PRR16: variants seen among roughly 807,000 people sequenced by gnomAD.
PRR16 encodes proline rich 16.
In PRR16, 6 loss-of-function variants were observed where a neutral mutation model predicts 18.2. The ratio of observed to expected loss-of-function variants is 0.33; its 90% CI spans 0.18 to 0.65. The LOEUF is 0.65. Ranked by LOEUF, PRR16 falls within the 30% of genes least tolerant of loss-of-function variation. The pLI is 0.74. For synonymous variants in PRR16, 151 were observed against 147.8 expected (o/e 1.02, Z -0.16); for missense variants, 412 against 376.6 (o/e 1.09, Z -0.78).
the PRR16 span, among the ~76,000 whole-genome samples, chr5:120,701,020 C>A: frequency 6.6e-6 from 1 of 152,178 alleles, no homozygotes; most frequent in South Asian, 2.1e-4. Flanking sequence ...TGCGGGCATT[C>A]CTTGGCCCAG....
chr5:120,628,895 T>A lies in PRR16; in HGVS notation c.160-57059T>A, dbSNP rs75574581. 2.6e-5 allele frequency among the ~76,000 whole-genome samples: 4 copies of A among 152,176 alleles called. No individual in the cohort carries two copies. In the East Asian group the frequency reaches 7.7e-4, roughly 29 times the overall value. On this transcript the variant is annotated intron_variant, in intron 1 of 1. Transcript: ENST00000407149. ...TAAAGAGATACTTTTTTAACTTTTA[T>A]TTTAAGTTCAGAGGTACATGTGTAG... is the stretch of plus-strand genomic sequence containing the variant.
chr5:120,743,162 T>G, the PRR16 span, among the ~76,000 whole-genome samples: 1 of 152,222 alleles, frequency 6.6e-6, no homozygotes, highest in Non-Finnish European at 1.5e-5. Context: ...TCTTTTCTCC[T>G]TTTTCTTCTC....
chr5:120,698,859 A>G, the PRR16 span, among the ~76,000 whole-genome samples: 3 of 152,106 alleles, frequency 2.0e-5, no homozygotes, highest in Non-Finnish European at 4.4e-5. Context: ...TAAAGTTTTC[A>G]CTGAATACTA....
chr5:120,673,603 A>G (rs759098272), intron 1 of PRR16, among the ~76,000 whole-genome samples: 8 of 152,226 alleles, frequency 5.3e-5, no homozygotes, highest in Non-Finnish European at 7.4e-5. Flanking sequence ...GGCTGTCTAT[A>G]TACTATCTAT....
At chr5:120,788,149 TTG>T in the PRR16 span, among the ~76,000 whole-genome samples, 3 of 152,062 alleles carry the variant, frequency 2.0e-5, no homozygotes, top group Non-Finnish European at 2.9e-5. Context: ...TTTACATATA[TTG>T]TGTCACCAAT....
At chr5:120,719,477 CTT>C in the PRR16 span, among the ~76,000 whole-genome samples, 1 of 151,958 alleles carries the variant, frequency 6.6e-6, no homozygotes, top group East Asian at 1.9e-4. Context: ...AACAGGTTGT[CTT>C]TTTCCATTTT....
intron 1 of PRR16, among the ~76,000 whole-genome samples, chr5:120,662,833 C>G (rs1472773266): frequency 6.6e-6 from 1 of 152,062 alleles, no homozygotes; most frequent in Non-Finnish European, 1.5e-5. Context: ...AGCTTGAAGG[C>G]CTGGGGACCT....
At chr5:120,669,681 T>C (rs544683255) in intron 1 of PRR16, among the ~76,000 whole-genome samples, 1 of 152,104 alleles carries the variant, frequency 6.6e-6, no homozygotes, top group Admixed American at 6.6e-5. Context: ...TTTTAAATAA[T>C]GATATTAATT....
chr5:120,480,926 C>CT (rs1359092740), intron 1 of PRR16, among the ~76,000 whole-genome samples: 2 of 151,810 alleles, frequency 1.3e-5, no homozygotes, highest in African/African-American at 2.4e-5. Context: ...ATTAAATATT[C>CT]TTTTTTTTCA....
intron 1 of PRR16, among the ~76,000 whole-genome samples, chr5:120,656,522 G>C (rs982435654): frequency 1.3e-5 from 2 of 148,906 alleles, no homozygotes; most frequent in Non-Finnish European, 3.0e-5. Context: ...TCTGGAATAA[G>C]GGAAAAATCG....
chr5:120,629,358 G>A (rs1389686403), intron 1 of PRR16, among the ~76,000 whole-genome samples: 2 of 151,844 alleles, frequency 1.3e-5, no homozygotes, highest in African/African-American at 4.8e-5. Flanking sequence ...GAGATTGCTG[G>A]GTGAAATGGT....
intron 1 of PRR16, among the ~76,000 whole-genome samples, chr5:120,580,441 G>C (rs1200930466): frequency 1.4e-5 from 2 of 140,004 alleles, no homozygotes; most frequent in Non-Finnish European, 3.0e-5. Context: ...TTAACATGAA[G>C]GGATTTTGAA....
At chr5:120,576,127 G>T (rs58899619) in intron 1 of PRR16, among the ~76,000 whole-genome samples, 1 of 151,960 alleles carries the variant, frequency 6.6e-6, no homozygotes, top group Non-Finnish European at 1.5e-5. Flanking sequence ...GATTTTTTTC[G>T]ATAAAACCTC....
chr5:120,643,998 T>C (rs1434164375), intron 1 of PRR16, among the ~76,000 whole-genome samples: 1 of 151,948 alleles, frequency 6.6e-6, no homozygotes, highest in Non-Finnish European at 1.5e-5. Context: ...GAGCAAGACT[T>C]TGTCTCAAAA....
At chr5:120,659,511 A>G (rs1330969746) in intron 1 of PRR16, among the ~76,000 whole-genome samples, 1 of 152,082 alleles carries the variant, frequency 6.6e-6, no homozygotes, top group Non-Finnish European at 1.5e-5. Flanking sequence ...CATGTGATAT[A>G]TAATGATCAA....
chr5:120,785,569 G>GTTTTTTTTTTTTT, the PRR16 span, among the ~76,000 whole-genome samples: 52 of 99,642 alleles, frequency 5.2e-4, no homozygotes, highest in African/African-American at 1.6e-3. Flanking sequence ...GTGTTTTGTT[G>GTTTTTTTTTTTTT]TTGTTGTTTT....
At chr5:120,717,435 A>G in the PRR16 span, among the ~76,000 whole-genome samples, 1 of 152,164 alleles carries the variant, frequency 6.6e-6, no homozygotes, top group Non-Finnish European at 1.5e-5. Flanking sequence ...GAAACTCATG[A>G]ATAACCTGAT....
At chr5:120,789,907 A>AG in the PRR16 span, 1 of 151,958 alleles carries the variant, frequency 6.6e-6, no homozygotes, top group African/African-American at 2.4e-5. Context: ...AACCATACTT[A>AG]TGTTTAAACT....
At chr5:120,527,460 C>A (rs1751409865) in intron 1 of PRR16, among the ~76,000 whole-genome samples, 1 of 152,138 alleles carries the variant, frequency 6.6e-6, no homozygotes, top group African/African-American at 2.4e-5. Flanking sequence ...TGACCCTGGT[C>A]TTAAAAGGAT....
Sources: allele counts gnomAD v4.1 joint callset (sites outside exome capture counted in the v4.1 genomes callset), GRCh38; gene constraint gnomAD v4.1.1; transcripts MANE v1.5; gene names NCBI Gene and HGNC (gene_info 2026-07-23, HGNC 2026-07-21).